Variants in PDE4B observed in about 807,000 individuals in gnomAD.
The protein encoded by PDE4B is phosphodiesterase 4B.
A neutral mutation model predicts 82.2 loss-of-function variants in PDE4B; 20 were observed. The observed-to-expected ratio is 0.24, with a 90% CI of 0.17 to 0.35. The LOEUF (loss-of-function observed/expected upper bound fraction) is 0.35, where lower values mean the gene tolerates loss of function less well. PDE4B is among the 10% of genes least tolerant of loss of function. The pLI is 1.00. For synonymous variants in PDE4B, 320 were observed against 318.9 expected (o/e 1.00, Z -0.04); for missense variants, 655 against 907.2 (o/e 0.72, Z 3.57).
chr1:66,210,957 G>A lies in PDE4B; in HGVS notation c.282-36503G>A, dbSNP rs17128531. ...AGAAATTTCCAGAAGTCCTCAACCT[G>A]GGTGGGATAAGAGTAGTAGAACAAG... On this transcript the variant is annotated intron_variant, in intron 3 of 16. Coordinates refer to ENST00000341517, the MANE Select transcript of PDE4B (RefSeq NM_002600.4). 7.9e-4 allele frequency among the ~76,000 whole-genome samples: 121 copies of A among 152,268 alleles called. 1 individual carries two copies. The East Asian group carries it at 0.022, about 28-fold the overall frequency.
intron 2 of PDE4B, among the ~76,000 whole-genome samples, chr1:65,915,445 T>C (rs926735863): frequency 5.9e-5 from 9 of 152,216 alleles, no homozygotes; most frequent in African/African-American, 2.2e-4. Flanking sequence ...ATTGAATGTG[T>C]ACCGAAGCAC....
intron 7 of PDE4B, among the ~76,000 whole-genome samples, chr1:66,296,447 A>C (rs571165142): frequency 6.6e-6 from 1 of 152,282 alleles, no homozygotes; most frequent in African/African-American, 2.4e-5. Context: ...TGCCAATAGG[A>C]GATAATGTAG....
At chr1:65,985,195 T>C (rs559745656) in intron 3 of PDE4B, among the ~76,000 whole-genome samples, 39 of 152,326 alleles carry the variant, frequency 2.6e-4, no homozygotes, top group African/African-American at 8.2e-4. Flanking sequence ...CTCATAGTAG[T>C]AAAATATTAA....
intron 3 of PDE4B, among the ~76,000 whole-genome samples, chr1:66,149,738 A>C (rs1309933453): frequency 6.6e-6 from 1 of 152,180 alleles, no homozygotes; most frequent in African/African-American, 2.4e-5. Context: ...CTGTAGTCTT[A>C]GCTACTCAGT....
At chr1:66,049,146 T>C (rs781724559) in intron 3 of PDE4B, among the ~76,000 whole-genome samples, 8 of 152,038 alleles carry the variant, frequency 5.3e-5, no homozygotes, top group Non-Finnish European at 5.9e-5. Context: ...GGCTCTACTC[T>C]AAATTCTATT....
At chr1:66,318,844 A>T (rs921440641) in intron 7 of PDE4B, among the ~76,000 whole-genome samples, 1 of 152,186 alleles carries the variant, frequency 6.6e-6, no homozygotes, top group Non-Finnish European at 1.5e-5. Flanking sequence ...AGCACATCTG[A>T]CCAGAGACTA....
chr1:66,372,962 T>C lies in PDE4B; in HGVS notation c.*284T>C, dbSNP rs2050836841. 1 of 336,458 alleles carries C rather than the reference T, an allele frequency of 3.0e-6. No homozygotes were observed. The highest frequency in any genetic ancestry group is 5.5e-6 in the Non-Finnish European group (1 of 181,944). 20.8% of individuals were successfully genotyped at this position (336,458 alleles called of 1,614,324 possible). On this transcript the variant is annotated 3_prime_UTR_variant, in exon 17 of 17. Transcript: ENST00000341517. ...GGCTTGAAAATGGAAGACACAAAAC[T>C]GAGAGATCATTCTGCACTAAGTTTC...
chr1:66,058,797 G>A (rs1242179312), intron 3 of PDE4B, among the ~76,000 whole-genome samples: 5 of 152,202 alleles, frequency 3.3e-5, no homozygotes, highest in Non-Finnish European at 5.9e-5. Context: ...TAGACCTCCA[G>A]TAAAGGAAGG....
intron 4 of PDE4B, among the ~76,000 whole-genome samples, chr1:66,255,546 C>T (rs962884730): frequency 1.3e-5 from 2 of 152,202 alleles, no homozygotes; most frequent in African/African-American, 2.4e-5. Flanking sequence ...TCTTAATAAG[C>T]GTGTTCAGTA....
chr1:66,108,011 A>G lies in PDE4B; in HGVS notation c.282-139449A>G, dbSNP rs1302789917. Among the ~76,000 whole-genome samples the G allele has an allele frequency of 7.9e-5, 12 of 152,120 alleles. No individual in the cohort carries two copies. The East Asian group carries it at 2.3e-3, about 29-fold the overall frequency. On this transcript the variant is annotated intron_variant, in intron 3 of 16. Coordinates refer to ENST00000341517, the MANE Select transcript of PDE4B (RefSeq NM_002600.4). ...TAAAAATTATACATATTTATGGTAC[A>G]CAGCATGATGTTTTGATATATGTAT...
intron 3 of PDE4B, among the ~76,000 whole-genome samples, chr1:65,934,462 A>G (rs540695819): frequency 5.0e-4 from 76 of 152,304 alleles, no homozygotes; most frequent in Non-Finnish European, 9.9e-4. Context: ...GAGAAAGAAT[A>G]AAAAGACAGC....
chr1:66,223,738 C>T (rs1193362256), intron 3 of PDE4B, among the ~76,000 whole-genome samples: 1 of 152,050 alleles, frequency 6.6e-6, no homozygotes. Flanking sequence ...GGAGGGCCCT[C>T]CACTTAGAGA....
intron 3 of PDE4B, among the ~76,000 whole-genome samples, chr1:66,200,060 A>G (rs1035559110): frequency 1.6e-4 from 25 of 152,194 alleles, no homozygotes; most frequent in Admixed American, 2.0e-4. Context: ...AGCTTTGTAC[A>G]TATGGCTAGC....
At chr1:65,937,297 G>A (rs1014328147) in intron 3 of PDE4B, among the ~76,000 whole-genome samples, 2 of 152,180 alleles carry the variant, frequency 1.3e-5, no homozygotes, top group Non-Finnish European at 2.9e-5. Context: ...CTCTGTCTAA[G>A]GCTGGAAACA....
rs142418696 is a variant in PDE4B at position 66,163,702 on chromosome 1, A to G, written c.282-83758A>G. ...AAAATTGTTGAGTGAAATAATTTTT[A>G]AAATGTCATTTAAAGTTAGTGAGGT... On this transcript the variant is annotated intron_variant, in intron 3 of 16. Coordinates refer to ENST00000341517, the MANE Select transcript of PDE4B (RefSeq NM_002600.4). Among the ~76,000 whole-genome samples the G allele has an allele frequency of 1.4e-3, 210 of 152,352 alleles. 1 individual carries two copies. The highest frequency in any genetic ancestry group is 4.6e-3 in the African/African-American group (190 of 41,578).
intron 3 of PDE4B, among the ~76,000 whole-genome samples, chr1:65,971,558 G>A (rs1344745604): frequency 6.6e-6 from 1 of 152,096 alleles, no homozygotes; most frequent in African/African-American, 2.4e-5. Flanking sequence ...AATGAATAAA[G>A]GAATAAGTTG....
chr1:66,103,385 T>C (rs1645264924), intron 3 of PDE4B, among the ~76,000 whole-genome samples: 1 of 152,140 alleles, frequency 6.6e-6, no homozygotes, highest in African/African-American at 2.4e-5. Flanking sequence ...GATTTCTTTT[T>C]CTTATCCTGC....
chr1:65,837,794 TTG>T (rs369976464), intron 1 of PDE4B, among the ~76,000 whole-genome samples: 5 of 141,072 alleles, frequency 3.5e-5, no homozygotes, highest in African/African-American at 1.4e-4. Context: ...ATAGGTAAAC[TTG>T]TGTGTGTGTG....
intron 3 of PDE4B, among the ~76,000 whole-genome samples, chr1:66,242,386 G>A (rs905243018): frequency 2.4e-4 from 36 of 152,210 alleles, no homozygotes; most frequent in African/African-American, 7.7e-4. Flanking sequence ...TCTCCCAAAA[G>A]GCAGTGAACC....
Sources: gnomAD v4.1 joint callset for allele counts (sites outside exome capture counted in the v4.1 genomes callset) on GRCh38, gnomAD v4.1.1 for gene constraint, MANE v1.5 for transcripts, NCBI Gene and HGNC (gene_info 2026-07-23, HGNC 2026-07-21) for gene names.